The following GSE1 variants were observed in gnomAD, a reference collection of about 807,000 sequenced individuals.
GSE1 encodes the protein genetic suppressor element 1.
Under a neutral mutation model 112.6 loss-of-function variants are expected in GSE1, and 32 were observed. The ratio of observed to expected loss-of-function variants is 0.28; its 90% confidence interval spans 0.21 to 0.38. The LOEUF is 0.38. Among genes scored for constraint, GSE1 ranks in the 10% least tolerant of loss-of-function variants. GSE1 has a pLI of 1.00. For synonymous variants in GSE1, 1,115 were observed against 735.6 expected (o/e 1.52, Z -8.35); for missense variants, 2,348 against 1,699.2 (o/e 1.38, Z -6.71).
intron 2 of GSE1, among the ~76,000 whole-genome samples, chr16:85,491,718 C>T (rs1192458718): frequency 2.0e-5 from 3 of 151,450 alleles, no homozygotes; most frequent in Non-Finnish European, 2.9e-5. Flanking sequence ...GCTGGTACCC[C>T]GAGTCCTCCT....
exon 1 of GSE1, chr16:85,169,586 G>C (rs1394462503): frequency 5.1e-6 from 5 of 981,614 alleles, no homozygotes; most frequent in Admixed American, 6.3e-5. Flanking sequence ...GTGGGCGAGC[G>C]GGCTGCGGGC....
At chr16:85,378,636 G>A (rs1597536469) in intron 2 of GSE1, among the ~76,000 whole-genome samples, 1 of 152,198 alleles carries the variant, frequency 6.6e-6, no homozygotes, top group African/African-American at 2.4e-5. Context: ...TGGCTCTCAT[G>A]AGGCAGGCAC....
chr16:85,334,722 G>A (rs1280751461), intron 1 of GSE1, among the ~76,000 whole-genome samples: 1 of 152,170 alleles, frequency 6.6e-6, no homozygotes, highest in African/African-American at 2.4e-5. Context: ...CCAAAATATG[G>A]CTGTAGGAGA....
At chr16:85,331,011 G>T (rs1199601148) in intron 1 of GSE1, among the ~76,000 whole-genome samples, 1 of 152,118 alleles carries the variant, frequency 6.6e-6, no homozygotes, top group Non-Finnish European at 1.5e-5. Context: ...GAGTTAGAGA[G>T]GTCATACCCT....
intron 13 of GSE1, 48 bp downstream of exon 13, chr16:85,666,395 T>G: frequency 1.9e-6 from 3 of 1,604,378 alleles, no homozygotes; most frequent in Non-Finnish European, 2.6e-6. Context: ...TGGTTGAGGC[T>G]GACCAAAGTT....
chr16:85,662,024 A>G (rs2052476421), intron 9 of GSE1, among the ~76,000 whole-genome samples: 1 of 152,254 alleles, frequency 6.6e-6, no homozygotes, highest in Non-Finnish European at 1.5e-5. Context: ...CTGTGAAGAT[A>G]GTTCCGCAGA....
chr16:85,661,287 C>T lies in GSE1; in HGVS notation c.1782C>T (p.Thr594=), dbSNP rs1446737784. 1.2e-6 allele frequency: 2 copies of T among 1,612,802 alleles called. No homozygotes were observed. Among genetic ancestry groups the T allele is most frequent in the Middle Eastern group, 1.6e-4 (1 of 6,084 alleles). ...ACCCCGTGTCCCTGATGGACAACAC[C>T]TTGGAGACGCGGCGGGCCGAAAGCC... ...LWNPVSLMDN[T]LETRRAESHS... The change falls in exon 9 of 16, where the codon ACC becomes ACT. Residue 594 remains threonine (T), a synonymous_variant. Transcript: ENST00000253458.
At chr16:85,358,924 G>A (rs946470177) in intron 2 of GSE1, among the ~76,000 whole-genome samples, 1 of 152,238 alleles carries the variant, frequency 6.6e-6, no homozygotes, top group African/African-American at 2.4e-5. Context: ...GGACAAGTGA[G>A]TTTCCCTGCT....
chr16:85,362,355 G>C (rs553062443), intron 2 of GSE1, among the ~76,000 whole-genome samples: 1 of 152,338 alleles, frequency 6.6e-6, no homozygotes, highest in South Asian at 2.1e-4. Context: ...ATCACCAGTG[G>C]ATGGGAACAG....
intron 1 of GSE1, among the ~76,000 whole-genome samples, chr16:85,175,771 C>T (rs534375534): frequency 3.3e-5 from 5 of 152,288 alleles, no homozygotes; most frequent in South Asian, 4.1e-4. Context: ...CTCCAGGAGG[C>T]GTGCACACTT....
intron 12 of GSE1, among the ~76,000 whole-genome samples, chr16:85,665,571 C>T (rs577951090): frequency 3.5e-5 from 5 of 144,758 alleles, no homozygotes; most frequent in South Asian, 5.0e-4. Flanking sequence ...CTGCCGGCAC[C>T]TGCCGCCACA....
intron 2 of GSE1, among the ~76,000 whole-genome samples, chr16:85,494,179 C>G (rs1034296460): frequency 6.6e-6 from 1 of 152,246 alleles, no homozygotes; most frequent in African/African-American, 2.4e-5. Context: ...GTTCTGGAGG[C>G]CACAAGTCTG....
At chr16:85,611,569 C>T (rs2047985391), upstream of GSE1, 2 of 755,390 alleles carry the variant, frequency 2.6e-6, no homozygotes, top group Non-Finnish European at 3.2e-6. Context: ...CCTCGCCGGT[C>T]CGTTTCCCTT....
intron 2 of GSE1, among the ~76,000 whole-genome samples, chr16:85,642,423 C>T (rs769137436): frequency 3.0e-4 from 46 of 152,226 alleles, no homozygotes; most frequent in Non-Finnish European, 7.3e-5. Flanking sequence ...GGTTCCCACC[C>T]TGGCCGGCAC....
intron 1 of GSE1, among the ~76,000 whole-genome samples, chr16:85,224,399 CT>C (rs1335782584): frequency 3.4e-5 from 5 of 147,956 alleles, no homozygotes; most frequent in African/African-American, 5.0e-5. Context: ...TGGTTGGCAG[CT>C]GATAAACTAA....
At chr16:85,571,225 G>A (rs767410592) in intron 1 of GSE1, among the ~76,000 whole-genome samples, 3 of 152,198 alleles carry the variant, frequency 2.0e-5, no homozygotes, top group East Asian at 1.9e-4. Context: ...AGGCCCGGGC[G>A]GCATCAGTGC....
At chr16:85,461,830 C>T (rs948070826) in intron 2 of GSE1, among the ~76,000 whole-genome samples, 1 of 152,306 alleles carries the variant, frequency 6.6e-6, no homozygotes, top group South Asian at 2.1e-4. Flanking sequence ...CCCTCCTCAC[C>T]TCCCCTCCTC....
At chr16:85,383,783 G>A (rs899978764) in intron 2 of GSE1, among the ~76,000 whole-genome samples, 1 of 152,158 alleles carries the variant, frequency 6.6e-6, no homozygotes, top group Non-Finnish European at 1.5e-5. Context: ...ACCGTTAAAG[G>A]GTCCCCATGA....
At chr16:85,269,416 A>G (rs2144166527) in intron 1 of GSE1, among the ~76,000 whole-genome samples, 1 of 147,104 alleles carries the variant, frequency 6.8e-6, no homozygotes, top group East Asian at 1.9e-4. Flanking sequence ...GGGTGGGAAT[A>G]CGCCTGTTAG....
Sources: allele counts gnomAD v4.1 joint callset (sites outside exome capture counted in the v4.1 genomes callset), GRCh38; gene constraint gnomAD v4.1.1; transcripts MANE v1.5; gene names NCBI Gene and HGNC (gene_info 2026-07-23, HGNC 2026-07-21).